ZNF311: variants seen among roughly 807,000 people sequenced by gnomAD.
ZNF311 encodes zinc finger protein zfp31.
Under a neutral mutation model 22.7 loss-of-function variants are expected in ZNF311, and 14 were observed. That is an observed-to-expected ratio of 0.62 (90% CI 0.41 to 0.96). The LOEUF is 0.96. Among genes scored for constraint, ZNF311 ranks in the 40% least tolerant of loss-of-function variants. The pLI is 0.00. For missense variants in ZNF311, 731 were observed against 799.0 expected, an observed-to-expected ratio of 0.91 and a Z score of 1.03; for synonymous variants, 250 against 275.3, an observed-to-expected ratio of 0.91 and a Z score of 0.91.
intron 3 of ZNF311, among the ~76,000 whole-genome samples, chr6:29,001,952 A>G (rs1780501104): frequency 1.3e-5 from 2 of 152,232 alleles, no homozygotes; most frequent in South Asian, 4.1e-4. Flanking sequence ...CATGTCTTAA[A>G]TGTACCCTTA....
intron 3 of ZNF311, 114 bp downstream of exon 3, chr6:29,003,399 A>C: frequency 2.3e-6 from 2 of 855,824 alleles, no homozygotes; most frequent in Non-Finnish European, 4.0e-6. Context: ...CTTTCTATAA[A>C]TGCTCATTAA....
chr6:28,996,140 T>A lies in ZNF311; in HGVS notation c.862A>T (p.Asn288Tyr). 6.2e-7 allele frequency: 1 copy of A among 1,613,194 alleles called. No individual in the cohort carries two copies. Among genetic ancestry groups the A allele is most frequent in the Admixed American group, 1.7e-5 (1 of 60,004 alleles). Residue 288 changes from asparagine to tyrosine, a missense_variant, in exon 7 of 7, where the codon AAT becomes TAT. Coordinates refer to ENST00000377179, the MANE Select transcript of ZNF311 (RefSeq NM_001382360.1). ...ATTATCCGGTGCATAGAAAGCTGAT[T>A]TCTGGTCTTGAATGCTTTCCCACAC... ...NECGKAFKTRNQLSMHRIIHT... is the reference protein window; with the variant it reads ...NECGKAFKTRYQLSMHRIIHT...
chr6:29,003,476 T>C (rs1222011443), intron 3 of ZNF311, 37 bp downstream of exon 3: 1 of 1,602,610 alleles, frequency 6.2e-7, no homozygotes, highest in Admixed American at 1.7e-5. Flanking sequence ...CATTCTCAGC[T>C]GCCGTGACTC....
chr6:28,999,234 C>G (rs1780082688), intron 5 of ZNF311, among the ~76,000 whole-genome samples: 3 of 151,856 alleles, frequency 2.0e-5, no homozygotes, highest in Admixed American at 6.6e-5. Context: ...CTTGAGGAAG[C>G]AAGAACCCAG....
At chr6:28,999,857 G>T in intron 4 of ZNF311, 99 bp downstream of exon 4, 1 of 1,349,522 alleles carries the variant, frequency 7.4e-7, no homozygotes, top group Non-Finnish European at 1.0e-6. Context: ...GGAGAACATT[G>T]ATTTAGGAGT....
chr6:28,995,419 T>C lies in ZNF311; in HGVS notation c.1583A>G (p.Lys528Arg). Residue 528 changes from lysine (K) to arginine (R), a missense_variant, in exon 7 of 7, where the codon AAA (lysine) becomes AGA (arginine). Lys to Arg is a conservative substitution (Grantham distance 26, BLOSUM62 2). Coordinates refer to ENST00000377179, the MANE Select transcript of ZNF311 (RefSeq NM_001382360.1). The surrounding 1 kb of genome is among the most constrained non-coding windows in gnomAD (Gnocchi z 4.7). ...GAAAGCTTTCCCACACTCTAAACAT[T>C]TGTAAGGTTTCTCTCCAGTGTGGAT... is the stretch of plus-strand genomic sequence containing the variant. Reference protein sequence around the residue: ...QRIHTGEKPYKCLECGKAFSG... With the variant: ...QRIHTGEKPYRCLECGKAFSG... 1 of 1,614,012 alleles carries C rather than the reference T, an allele frequency of 6.2e-7. No homozygotes were observed. The highest frequency in any genetic ancestry group is 8.5e-7 in the Non-Finnish European group (1 of 1,179,974).
In ZNF311 at chr6:28,995,756, C is replaced by T. The variant is rs745654988; in HGVS notation, c.1246G>A (p.Glu416Lys). Residue 416 changes from glutamate to lysine, a missense_variant, in exon 7 of 7, where the codon GAG becomes AAG. Transcript: ENST00000377179. This position sits in a 1 kb window ranked among gnomAD's most constrained non-coding sequence, Gnocchi z 4.7. ...AAGGCCCTTCCACACTTGCTGCACTCATAAGGTCGTTCCCCAGTGTGGATT... is the reference window on the plus strand; with the variant it reads ...AAGGCCCTTCCACACTTGCTGCACTTATAAGGTCGTTCCCCAGTGTGGATT... ...IRIHTGERPY[E>K]CSKCGRAFSR... is the part of the protein sequence containing the mutation. The T allele has an allele frequency of 6.2e-7, 1 of 1,613,682 alleles. No individual in the cohort carries two copies. The highest frequency in any genetic ancestry group is 8.5e-7 in the Non-Finnish European group (1 of 1,179,960).
chr6:28,998,192 G>A lies in ZNF311; in HGVS notation c.415+542C>T, dbSNP rs1389405639. ...GAGATTTTTTTTTTTTTTTTGAGGT[G>A]GAGTCTCACTGTGTCCCCCGGGTTG... On this transcript the variant is annotated intron_variant, in intron 6 of 6. Transcript: ENST00000377179. 2.1e-4 allele frequency among the ~76,000 whole-genome samples: 29 copies of A among 139,850 alleles called. No individual in the cohort carries two copies. The Admixed American group carries it at 2.1e-3, about 10-fold the overall frequency. The allele number at this position is 139,850 out of a possible 152,430, so 91.7% of individuals were successfully genotyped here. A position where few individuals can be genotyped will look rare whatever the true frequency, so the allele number is the denominator to read the frequency against.
intron 4 of ZNF311, 41 bp from the exon 5 acceptor site, chr6:28,999,654 A>C (rs1371612248): frequency 6.3e-7 from 1 of 1,593,904 alleles, no homozygotes; most frequent in Admixed American, 1.8e-5. Context: ...AAAACGCCAT[A>C]GTTTCCTCAG....
chr6:29,004,442 C>CT (rs9280531), intron 1 of ZNF311, among the ~76,000 whole-genome samples: 2,222 of 30,492 alleles, frequency 0.073, 169 homozygotes, highest in Non-Finnish European at 0.083. Flanking sequence ...TTCCTCCTTT[C>CT]TTTTTTTTTT....
At chr6:28,996,704 T>C in intron 6 of ZNF311, 118 bp from the exon 7 acceptor site, 1 of 1,146,774 alleles carries the variant, frequency 8.7e-7, no homozygotes, top group Middle Eastern at 2.7e-4. Context: ...ATTACTAACG[T>C]TGTGGCCAAA....
At position 29,004,173 on chromosome 6, in the gene ZNF311, C is replaced by A; in HGVS notation, c.-219G>T. 1 of 1,444,186 alleles carries A rather than the reference C, an allele frequency of 6.9e-7. No homozygotes were observed. Among genetic ancestry groups the A allele is most frequent in the Non-Finnish European group, 9.1e-7 (1 of 1,104,066 alleles). The allele number at this position is 1,444,186 out of a possible 1,614,324, so 89.5% of individuals were successfully genotyped here. A position where few individuals can be genotyped will look rare whatever the true frequency, so the allele number is the denominator to read the frequency against. On this transcript the variant is annotated 5_prime_UTR_variant, in exon 2 of 7. It removes an upstream start codon present in the reference 5' UTR. Transcript: ENST00000377179. ...CAAACACTGCCCTGGATTTGGGGTT[C>A]ATTAGCAACACTAAACCGCTGTGAT...
chr6:29,003,929 G>C lies in ZNF311; in HGVS notation c.9+17C>G. ...TTCTTCCTCCTTGTGATGTATCACA[G>C]ACCCTCCTCTTCTTACCTCCTGCAT... On this transcript the variant is annotated intron_variant, in intron 2 of 6. Coordinates refer to ENST00000377179, the MANE Select transcript of ZNF311 (RefSeq NM_001382360.1). The C allele has an allele frequency of 1.2e-6, 2 of 1,612,812 alleles. No homozygotes were observed. The highest frequency in any genetic ancestry group is 1.7e-6 in the Non-Finnish European group (2 of 1,179,860).
intron 3 of ZNF311, among the ~76,000 whole-genome samples, chr6:29,000,495 G>A (rs1780299101): frequency 6.6e-6 from 1 of 152,216 alleles, no homozygotes; most frequent in African/African-American, 2.4e-5. Context: ...GTGTGCATAT[G>A]TGTTGAACAG....
At chr6:28,997,820 C>G (rs532474554) in intron 6 of ZNF311, among the ~76,000 whole-genome samples, 153 of 152,276 alleles carry the variant, frequency 1.0e-3, no homozygotes, top group African/African-American at 3.6e-3. Context: ...TCCTTTGCCT[C>G]AGTTGCTTTA....
In ZNF311 at chr6:28,996,169, T is replaced by C. The variant is rs780836230; in HGVS notation, c.833A>G (p.Asn278Ser). The change falls in exon 7 of 7, where the codon AAT (asparagine) becomes AGT (serine). Residue 278 changes from asparagine (N) to serine (S), a missense_variant. By Grantham distance (46) the Asn-to-Ser change is conservative (BLOSUM62 1). Transcript: ENST00000377179. ...IHSGEKPHVC[N>S]ECGKAFKTRN... ...GGTCTTGAATGCTTTCCCACACTCATTACACACATGGGGTTTCTCACCAGA... is the reference window on the plus strand; with the variant it reads ...GGTCTTGAATGCTTTCCCACACTCACTACACACATGGGGTTTCTCACCAGA... 1 of 1,613,436 alleles carries C rather than the reference T, an allele frequency of 6.2e-7. No individual in the cohort carries two copies. The highest frequency in any genetic ancestry group is 8.5e-7 in the Non-Finnish European group (1 of 1,180,050).
rs1480431763 is a variant in ZNF311, at chr6:28,995,195, G to A, written c.1807C>T (p.Arg603Ter). 3.1e-6 allele frequency: 5 copies of A among 1,613,924 alleles called. No homozygotes were observed. Among genetic ancestry groups the A allele is most frequent in the East Asian group, 2.2e-5 (1 of 44,868 alleles). ...TAAGGTTTCTCCCCAGTATGAACTC[G>A]CTTATGTCCAATCAGAGCTGAGCCC... ...RQGSALIGHK[R>*]VHTGEKPYEC... The change falls in exon 7 of 7, where the codon CGA becomes TGA. Residue 603 changes from arginine (R) to a stop codon, truncating the protein, a stop_gained. Coordinates refer to ENST00000377179, the MANE Select transcript of ZNF311 (RefSeq NM_001382360.1). LOFTEE classifies it low-confidence loss of function (END_TRUNC). The surrounding 1 kb of genome is among the most constrained non-coding windows in gnomAD (Gnocchi z 4.7).
At position 28,995,862 on chromosome 6, in the gene ZNF311, G is replaced by T. The variant is rs1269530053; in HGVS notation, c.1140C>A (p.Ile380=). 3.1e-6 allele frequency: 5 copies of T among 1,614,102 alleles called. No homozygotes were observed. In the South Asian group the frequency reaches 5.5e-5, roughly 18 times the overall value. Residue 380 remains isoleucine, a synonymous_variant, in exon 7 of 7, where the codon ATC becomes ATA. Transcript: ENST00000377179. This position sits in a 1 kb window ranked among gnomAD's most constrained non-coding sequence, Gnocchi z 4.7. Reference sequence around the variant, plus strand: ...ATTCATATGGCTTCTCCCCAGTGTGGATTCTGCCATGGATGGTAAGGGAAT... The same window carrying T: ...ATTCATATGGCTTCTCCCCAGTGTGTATTCTGCCATGGATGGTAAGGGAAT... The part of the protein sequence containing the change: ...FKHSLTIHGR[I]HTGEKPYECE...
intron 3 of ZNF311, among the ~76,000 whole-genome samples, chr6:29,001,973 G>T (rs1354296771): frequency 6.6e-6 from 1 of 152,110 alleles, no homozygotes; most frequent in Non-Finnish European, 1.5e-5. Flanking sequence ...GAGAAACTTT[G>T]ACAAAAGCAT....
Sources: gnomAD v4.1 joint callset for allele counts (sites outside exome capture counted in the v4.1 genomes callset) on GRCh38, gnomAD v4.1.1 for gene constraint, Gnocchi (gnomAD v3.1) non-coding constraint, MANE v1.5 for transcripts, NCBI Gene and HGNC (gene_info 2026-07-23, HGNC 2026-07-21) for gene names.